POU6F2: variants seen among roughly 807,000 people sequenced by gnomAD.
The protein encoded by POU6F2 is POU class 6 homeobox 2.
POU6F2 carries 31 observed loss-of-function variants against 71.3 expected under a neutral mutation model. The ratio of observed to expected loss-of-function variants is 0.43; its 90% CI spans 0.33 to 0.59. POU6F2 has a LOEUF of 0.59. Among genes scored for constraint, POU6F2 ranks in the 20% least tolerant of loss-of-function variants. The probability of loss-of-function intolerance (pLI) is 0.04; values close to 1 mark genes in which losing one functional copy is unlikely to be tolerated. For missense variants in POU6F2, 783 were observed against 856.8 expected (o/e 0.91, Z 1.07); for synonymous variants, 347 against 355.7 (o/e 0.98, Z 0.27).
intron 4 of POU6F2, among the ~76,000 whole-genome samples, chr7:39,336,552 T>C (rs1013599337): frequency 6.6e-6 from 1 of 152,230 alleles, no homozygotes; most frequent in Non-Finnish European, 1.5e-5. Context: ...AAGGCTTCTT[T>C]CCAGGATTCC....
intron 2 of POU6F2, among the ~76,000 whole-genome samples, chr7:39,106,376 G>A (rs1365148184): frequency 6.6e-6 from 1 of 152,188 alleles, no homozygotes; most frequent in East Asian, 1.9e-4. Context: ...CCATGTTCCA[G>A]ATGATGTGTA....
At chr7:39,211,925 T>G (rs564605476) in intron 4 of POU6F2, among the ~76,000 whole-genome samples, 2 of 152,360 alleles carry the variant, frequency 1.3e-5, no homozygotes, top group African/African-American at 4.8e-5. Flanking sequence ...TGTTCCATTT[T>G]GTCTCCTCTA....
In POU6F2 at chr7:39,154,580, G is replaced by A. The variant is rs140858694; in HGVS notation, c.278-49655G>A. On this transcript the variant is annotated intron_variant, in intron 2 of 9. Coordinates refer to ENST00000518318, the MANE Select transcript of POU6F2 (RefSeq NM_001370959.1). Reference sequence around the variant, plus strand: ...TTCCCACATTGCTAATAGTTGATCCGTTTTATTGAAATTAATTGGATTAGA... The same window carrying A: ...TTCCCACATTGCTAATAGTTGATCCATTTTATTGAAATTAATTGGATTAGA... 2.9e-3 allele frequency among the ~76,000 whole-genome samples: 434 copies of A among 152,216 alleles called. 1 individual carries two copies. The highest frequency in any genetic ancestry group is 9.9e-3 in the African/African-American group (411 of 41,520).
At chr7:39,381,301 G>A (rs1018344502) in intron 5 of POU6F2, among the ~76,000 whole-genome samples, 2 of 152,134 alleles carry the variant, frequency 1.3e-5, no homozygotes, top group East Asian at 1.9e-4. Flanking sequence ...GCAGTAGCAC[G>A]ATCTTGGCTC....
At chr7:39,145,906 A>G (rs73365542) in intron 2 of POU6F2, among the ~76,000 whole-genome samples, 2,527 of 152,306 alleles carry the variant, frequency 0.017, 65 homozygotes, top group African/African-American at 0.057. Context: ...GAGATCACAC[A>G]AGGAAAACTG....
intron 4 of POU6F2, among the ~76,000 whole-genome samples, chr7:39,227,288 G>A (rs959270595): frequency 3.3e-5 from 5 of 151,284 alleles, no homozygotes; most frequent in African/African-American, 9.7e-5. Context: ...TTTTTCCATC[G>A]AGTTTTGTTC....
intron 1 of POU6F2, among the ~76,000 whole-genome samples, chr7:39,076,826 C>T (rs1362385995): frequency 1.3e-5 from 2 of 152,026 alleles, no homozygotes; most frequent in African/African-American, 4.8e-5. Context: ...TCTTTCCATT[C>T]TGGAAACTAT....
chr7:39,282,164 A>G (rs370076694), intron 4 of POU6F2, among the ~76,000 whole-genome samples: 21 of 152,038 alleles, frequency 1.4e-4, no homozygotes, highest in East Asian at 5.8e-4. Flanking sequence ...GAGTTGTTCA[A>G]GTTGCTTATA....
intron 2 of POU6F2, among the ~76,000 whole-genome samples, chr7:39,171,341 T>G (rs1562732585): frequency 6.6e-6 from 1 of 152,152 alleles, no homozygotes; most frequent in Non-Finnish European, 1.5e-5. Flanking sequence ...AAATTATTAA[T>G]TAGAAATTAA....
intron 1 of POU6F2, among the ~76,000 whole-genome samples, chr7:39,062,104 T>G (rs1790669584): frequency 6.6e-6 from 1 of 152,220 alleles, no homozygotes; most frequent in Admixed American, 6.5e-5. Flanking sequence ...TGTGAGTTCA[T>G]GGATACTACA....
intron 1 of POU6F2, among the ~76,000 whole-genome samples, chr7:39,073,664 G>C (rs1334505403): frequency 6.6e-6 from 1 of 152,254 alleles, no homozygotes; most frequent in Non-Finnish European, 1.5e-5. Flanking sequence ...ACAGACCCAA[G>C]GCAGAGAACG....
chr7:39,138,262 A>C (rs556507822), intron 2 of POU6F2, among the ~76,000 whole-genome samples: 1 of 152,332 alleles, frequency 6.6e-6, no homozygotes, highest in Admixed American at 6.5e-5. Context: ...CCTGGCCCAC[A>C]GTCAGTCTGT....
intron 4 of POU6F2, among the ~76,000 whole-genome samples, chr7:39,334,513 TAAAA>T (rs398066804): frequency 7.0e-6 from 1 of 143,840 alleles, no homozygotes; most frequent in Admixed American, 6.9e-5. Flanking sequence ...TTTGAAAAAT[TAAAA>T]AAAAAAAAGA....
In POU6F2 at chr7:39,459,458, GTTTT is replaced by G. The variant is rs1788891051; in HGVS notation, c.1490-1088_1490-1085del. On this transcript the variant is annotated intron_variant, in intron 8 of 9. Transcript: ENST00000518318. ...CAAATGTTCTGGTTTTGTGGGTTTT[GTTTT>G]GTTTTGTTTTGTTTTGTTTTGTTTT... is the stretch of plus-strand genomic sequence containing the variant. Among the ~76,000 whole-genome samples, 16 of 48,304 alleles carry G rather than the reference GTTTT, an allele frequency of 3.3e-4. No homozygotes were observed. The East Asian group carries it at 4.7e-3, about 14-fold the overall frequency. The allele number at this position is 48,304 out of a possible 152,430, so 31.7% of individuals were successfully genotyped here. A position where few individuals can be genotyped will look rare whatever the true frequency, so the allele number is the denominator to read the frequency against.
At chr7:39,241,462 G>A (rs1348645898) in intron 4 of POU6F2, among the ~76,000 whole-genome samples, 1 of 152,174 alleles carries the variant, frequency 6.6e-6, no homozygotes, top group Non-Finnish European at 1.5e-5. Flanking sequence ...GTGCTGGTGT[G>A]GTGAAGGTGT....
At chr7:39,281,485 A>T (rs1784562252) in intron 4 of POU6F2, among the ~76,000 whole-genome samples, 1 of 151,906 alleles carries the variant, frequency 6.6e-6, no homozygotes, top group Non-Finnish European at 1.5e-5. Context: ...TCTGGGAACC[A>T]CTATTCTACT....
chr7:39,178,966 C>T (rs1408265089), intron 2 of POU6F2, among the ~76,000 whole-genome samples: 2 of 152,060 alleles, frequency 1.3e-5, no homozygotes, highest in Non-Finnish European at 2.9e-5. Context: ...CTTTTTTCCT[C>T]ATTAAAGGGA....
At chr7:39,254,810 C>T (rs1406642798) in intron 4 of POU6F2, among the ~76,000 whole-genome samples, 3 of 152,166 alleles carry the variant, frequency 2.0e-5, no homozygotes, top group Non-Finnish European at 4.4e-5. Context: ...TCAGCCACAA[C>T]ACATGTATCT....
chr7:39,248,147 A>G (rs549123082), intron 4 of POU6F2, among the ~76,000 whole-genome samples: 210 of 152,326 alleles, frequency 1.4e-3, no homozygotes, highest in African/African-American at 4.8e-3. Flanking sequence ...CTCTGGGAGA[A>G]GTGGACATAT....
Sources: gnomAD v4.1 joint callset for allele counts (sites outside exome capture counted in the v4.1 genomes callset) on GRCh38, gnomAD v4.1.1 for gene constraint, MANE v1.5 for transcripts, NCBI Gene and HGNC (gene_info 2026-07-23, HGNC 2026-07-21) for gene names.